PRNP: variants seen among roughly 807,000 people sequenced by gnomAD.
PRNP encodes the protein prion protein (Kanno blood group).
In PRNP, 15 loss-of-function variants were observed where a neutral mutation model predicts 21.3. The ratio of observed to expected loss-of-function variants is 0.71; its 90% CI spans 0.47 to 1.09. The LOEUF (loss-of-function observed/expected upper bound fraction) is 1.09, where lower values mean the gene tolerates loss of function less well. Ranked by LOEUF, PRNP falls within the 50% of genes least tolerant of loss-of-function variation. PRNP has a pLI of 0.00. For synonymous variants in PRNP, 121 were observed against 123.1 expected (o/e 0.98, Z 0.11); for missense variants, 285 against 340.9 (o/e 0.84, Z 1.29).
rs921542806 is a variant in PRNP at position 4,699,707 on chromosome 20, T to C, written c.487T>C (p.Tyr163His). ...NMHRYPNQVYYRPMDEYSNQN... is the reference protein window; with the variant it reads ...NMHRYPNQVYHRPMDEYSNQN... Reference sequence around the variant, plus strand: ...GCACCGTTACCCCAACCAAGTGTACTACAGGCCCATGGATGAGTACAGCAA... The same window carrying C: ...GCACCGTTACCCCAACCAAGTGTACCACAGGCCCATGGATGAGTACAGCAA... Residue 163 changes from tyrosine to histidine, a missense_variant, in exon 2 of 2, where the codon TAC (tyrosine) becomes CAC (histidine). Coordinates refer to ENST00000379440, the MANE Select transcript of PRNP (RefSeq NM_000311.5). This position sits in a 1 kb window ranked among gnomAD's most constrained non-coding sequence, Gnocchi z 5.8. 1.2e-6 allele frequency: 2 copies of C among 1,614,032 alleles called. No individual in the cohort carries two copies. The highest frequency in any genetic ancestry group is 1.7e-5 in the Admixed American group (1 of 60,022).
rs190376382 is a variant in PRNP at position 4,700,811 on chromosome 20, A to G, written c.*829A>G. The G allele has an allele frequency of 1.2e-5, 2 of 167,534 alleles. No individual in the cohort carries two copies. The highest frequency in any genetic ancestry group is 1.3e-4 in the Admixed American group (2 of 15,344). The allele number at this position is 167,534 out of a possible 1,614,324, so 10.4% of individuals were successfully genotyped here. ...AAACTATAGGTAATTAAGGCAGCTG[A>G]AAAGTAAATTGCCTTCTAGACACTG... On this transcript the variant is annotated 3_prime_UTR_variant, in exon 2 of 2. Coordinates refer to ENST00000379440, the MANE Select transcript of PRNP (RefSeq NM_000311.5). The surrounding 1 kb of genome is among the most constrained non-coding windows in gnomAD (Gnocchi z 4.1).
At chr20:4,695,993 G>C (rs1156232228) in intron 1 of PRNP, among the ~76,000 whole-genome samples, 1 of 152,076 alleles carries the variant, frequency 6.6e-6, no homozygotes, top group South Asian at 2.1e-4. Context: ...TTGCTTTTCT[G>C]TTTCCTTTGG....
rs1371287468 is a variant in PRNP, at chr20:4,697,770, A to G, written c.-10-1441A>G. ...GCTCAATGGCAGCCAGGGGAGGAGC[A>G]GGGAGGCTGGTTGGGAGGCTGTTGA... is the stretch of plus-strand genomic sequence containing the variant. On this transcript the variant is annotated intron_variant, in intron 1 of 1. Transcript: ENST00000379440. This position sits in a 1 kb window ranked among gnomAD's most constrained non-coding sequence, Gnocchi z 4.6. 6.6e-6 allele frequency among the ~76,000 whole-genome samples: 1 copy of G among 152,204 alleles called. No homozygotes were observed. Among genetic ancestry groups the G allele is most frequent in the Non-Finnish European group, 1.5e-5 (1 of 68,032 alleles).
chr20:4,689,938 T>C (rs1049645482), intron 1 of PRNP, among the ~76,000 whole-genome samples: 1 of 152,190 alleles, frequency 6.6e-6, no homozygotes, highest in African/African-American at 2.4e-5. Context: ...TGAAGCCTGA[T>C]CACGGGTGCC....
intron 1 of PRNP, among the ~76,000 whole-genome samples, chr20:4,689,252 A>G (rs2122199040): frequency 6.6e-6 from 1 of 152,310 alleles, no homozygotes; most frequent in East Asian, 1.9e-4. Flanking sequence ...TATCCTGCAG[A>G]ACCTCTGTGG....
At chr20:4,692,230 C>A (rs183544667) in intron 1 of PRNP, among the ~76,000 whole-genome samples, 1 of 152,102 alleles carries the variant, frequency 6.6e-6, no homozygotes. Context: ...TTGTAGCTTG[C>A]CTACTACTTA....
At position 4,699,534 on chromosome 20, in the gene PRNP, C is replaced by A. The variant is rs11538758; in HGVS notation, c.314C>A (p.Pro105Gln). The change falls in exon 2 of 2, where the codon CCA becomes CAA. Residue 105 changes from proline to glutamine, a missense_variant. Physicochemically the swap from Pro to Gln is moderately conservative, Grantham distance 76. Transcript: ENST00000379440. The surrounding 1 kb of genome is among the most constrained non-coding windows in gnomAD (Gnocchi z 5.8). ...THSQWNKPSK[P>Q]KTNMKHMAGA... Reference sequence around the variant, plus strand: ...AGTCAGTGGAACAAGCCGAGTAAGCCAAAAACCAACATGAAGCACATGGCT... The same window carrying A: ...AGTCAGTGGAACAAGCCGAGTAAGCAAAAAACCAACATGAAGCACATGGCT... The A allele has an allele frequency of 5.6e-6, 9 of 1,613,924 alleles. No homozygotes were observed. The highest frequency in any genetic ancestry group is 7.6e-6 in the Non-Finnish European group (9 of 1,179,908).
At chr20:4,688,479 G>A (rs80166482) in intron 1 of PRNP, among the ~76,000 whole-genome samples, 324 of 152,292 alleles carry the variant, frequency 2.1e-3, no homozygotes, top group Middle Eastern at 0.01. Context: ...GCAATCTGGT[G>A]ATGCATTAAG....
At position 4,701,516 on chromosome 20, in the gene PRNP, CTTGTT is replaced by C. The variant is rs996104344; in HGVS notation, c.*1540_*1544del. 1.8e-5 allele frequency: 3 copies of C among 167,042 alleles called. No individual in the cohort carries two copies. The highest frequency in any genetic ancestry group is 4.8e-5 in the African/African-American group (2 of 41,438). The allele number at this position is 167,042 out of a possible 1,614,324, so 10.3% of individuals were successfully genotyped here. A position where few individuals can be genotyped will look rare whatever the true frequency, so the allele number is the denominator to read the frequency against. On this transcript the variant is annotated 3_prime_UTR_variant, in exon 2 of 2. Transcript: ENST00000379440. The surrounding 1 kb of genome is among the most constrained non-coding windows in gnomAD (Gnocchi z 4.2). Reference sequence around the variant, plus strand: ...TTCTATATTTGTAACTTTGCATGTTCTTGTTTTGTTATATAAAAAAATTGTAAATG... The same window carrying C: ...TTCTATATTTGTAACTTTGCATGTTCTTGTTATATAAAAAAATTGTAAATG...
At chr20:4,689,456 G>A (rs2059682929) in intron 1 of PRNP, among the ~76,000 whole-genome samples, 1 of 152,208 alleles carries the variant, frequency 6.6e-6, no homozygotes, top group African/African-American at 2.4e-5. Flanking sequence ...GCTGAATTAT[G>A]TAAGGGAGCA....
Position 4,699,169 on chromosome 20 carries a change from A to T in PRNP, c.-10-42A>T. On this transcript the variant is annotated intron_variant, in intron 1 of 1. Transcript: ENST00000379440. This position sits in a 1 kb window ranked among gnomAD's most constrained non-coding sequence, Gnocchi z 5.8. ...ATGCAGGAAACATTTAGTAATTTCA[A>T]CATAAATATGGGACTCTGACGTTCT... The T allele has an allele frequency of 6.2e-7, 1 of 1,606,092 alleles. No individual in the cohort carries two copies.
intron 1 of PRNP, among the ~76,000 whole-genome samples, chr20:4,691,038 G>A (rs1921795712): frequency 6.6e-6 from 1 of 151,964 alleles, no homozygotes; most frequent in African/African-American, 2.4e-5. Context: ...TATCAGGAAA[G>A]AAATAAAAAG....
At chr20:4,695,696 A>AT (rs1427723304) in intron 1 of PRNP, among the ~76,000 whole-genome samples, 24 of 152,250 alleles carry the variant, frequency 1.6e-4, no homozygotes, top group African/African-American at 5.5e-4. Context: ...TTCATCAATT[A>AT]TTTGCCTTAT....
rs1922522519 is a variant in PRNP, at chr20:4,700,263, T to G, written c.*281T>G. The G allele has an allele frequency of 1.0e-6, 1 of 957,266 alleles. No individual in the cohort carries two copies. The highest frequency in any genetic ancestry group is 2.1e-5 in the Admixed American group (1 of 46,754). The allele number at this position is 957,266 out of a possible 1,614,324, so 59.3% of individuals were successfully genotyped here. A position where few individuals can be genotyped will look rare whatever the true frequency, so the allele number is the denominator to read the frequency against. ...CCATTGGTTAATCTGGACTTATTTT[T>G]GGACTTAGTGCAACAGGTTGAGGCT... On this transcript the variant is annotated 3_prime_UTR_variant, in exon 2 of 2. Coordinates refer to ENST00000379440, the MANE Select transcript of PRNP (RefSeq NM_000311.5). The surrounding 1 kb of genome is among the most constrained non-coding windows in gnomAD (Gnocchi z 4.1).
chr20:4,688,859 C>T (rs77222642), intron 1 of PRNP, among the ~76,000 whole-genome samples: 3,029 of 152,228 alleles, frequency 0.02, 92 homozygotes, highest in African/African-American at 0.067. Flanking sequence ...CTTAATTTTC[C>T]TTTGGTGAAT....
chr20:4,691,557 A>G (rs143428460), intron 1 of PRNP, among the ~76,000 whole-genome samples: 36 of 152,366 alleles, frequency 2.4e-4, no homozygotes, highest in Non-Finnish European at 4.1e-4. Flanking sequence ...ACTGTGATGT[A>G]TCACACTTAT....
chr20:4,688,444 G>C (rs77514948), intron 1 of PRNP, among the ~76,000 whole-genome samples: 3 of 152,082 alleles, frequency 2.0e-5, no homozygotes, highest in African/African-American at 7.2e-5. Context: ...GGGGCATTTC[G>C]AACCAGTGAC....
chr20:4,700,829 AGACACTGAAGGC>A lies in PRNP; in HGVS notation c.*848_*859del, dbSNP rs1325407226. The A allele has an allele frequency of 1.8e-5, 3 of 167,256 alleles. No individual in the cohort carries two copies. The highest frequency in any genetic ancestry group is 7.2e-5 in the African/African-American group (3 of 41,448). 10.4% of individuals were successfully genotyped at this position (167,256 alleles called of 1,614,324 possible). ...GCAGCTGAAAAGTAAATTGCCTTCT[AGACACTGAAGGC>A]AAATCTCCTTTGTCCATTTACCTGG... On this transcript the variant is annotated 3_prime_UTR_variant, in exon 2 of 2. Coordinates refer to ENST00000379440, the MANE Select transcript of PRNP (RefSeq NM_000311.5). This position sits in a 1 kb window ranked among gnomAD's most constrained non-coding sequence, Gnocchi z 4.1.
chr20:4,696,208 T>C (rs1405443567), intron 1 of PRNP, among the ~76,000 whole-genome samples: 1 of 152,236 alleles, frequency 6.6e-6, no homozygotes, highest in African/African-American at 2.4e-5. Context: ...TGGCATTTTA[T>C]TGCAACTACC....
Sources: allele counts gnomAD v4.1 joint callset (sites outside exome capture counted in the v4.1 genomes callset), GRCh38; gene constraint gnomAD v4.1.1; non-coding constraint Gnocchi (gnomAD v3.1); transcripts MANE v1.5; gene names NCBI Gene and HGNC (gene_info 2026-07-23, HGNC 2026-07-21).